Variants in MDGA2 observed in about 807,000 individuals in gnomAD.
MDGA2 encodes the protein MAM domain containing glycosylphosphatidylinositol anchor 2.
A neutral mutation model predicts 117.8 loss-of-function variants in MDGA2; 40 were observed. That is an observed-to-expected ratio of 0.34 (90% CI 0.26 to 0.44). The LOEUF is 0.44. Among genes scored for constraint, MDGA2 ranks in the 20% least tolerant of loss-of-function variants. The pLI is 1.00. For synonymous variants in MDGA2, 452 were observed against 439.0 expected, an observed-to-expected ratio of 1.03 and a Z score of -0.37; for missense variants, 1,123 against 1,250.6, an observed-to-expected ratio of 0.90 and a Z score of 1.54.
chr14:47,290,661 A>C (rs8010593), intron 2 of MDGA2, among the ~76,000 whole-genome samples: 13,856 of 152,146 alleles, frequency 0.091, 785 homozygotes, highest in Non-Finnish European at 0.11. Context: ...GTCAGCAGCA[A>C]AGAAGAAGAT....
intron 1 of MDGA2, among the ~76,000 whole-genome samples, chr14:47,471,114 C>T (rs905986512): frequency 6.6e-6 from 1 of 151,998 alleles, no homozygotes; most frequent in Non-Finnish European, 1.5e-5. Flanking sequence ...GTTGATAGTG[C>T]AAGGAATAAG....
intron 1 of MDGA2, among the ~76,000 whole-genome samples, chr14:47,648,653 A>G (rs926896053): frequency 6.6e-6 from 1 of 152,164 alleles, no homozygotes; most frequent in African/African-American, 2.4e-5. Flanking sequence ...TATGGCAGAC[A>G]GGGGACCAGG....
chr14:47,512,734 C>T (rs1169560427), intron 1 of MDGA2, among the ~76,000 whole-genome samples: 1 of 152,082 alleles, frequency 6.6e-6, no homozygotes, highest in Non-Finnish European at 1.5e-5. Flanking sequence ...TATAGAGCCA[C>T]TCAAAATCCA....
chr14:47,345,557 C>T (rs573008791), intron 1 of MDGA2, among the ~76,000 whole-genome samples: 64 of 152,012 alleles, frequency 4.2e-4, no homozygotes, highest in Middle Eastern at 3.4e-3. Flanking sequence ...CTATCTAGTG[C>T]CTGTACAATT....
intron 1 of MDGA2, among the ~76,000 whole-genome samples, chr14:47,582,641 C>G (rs533759553): frequency 6.6e-6 from 1 of 151,966 alleles, no homozygotes; most frequent in East Asian, 1.9e-4. Context: ...AAATCACATA[C>G]AATCTTTTCC....
chr14:47,410,440 TG>T (rs1294452448), intron 1 of MDGA2, among the ~76,000 whole-genome samples: 1 of 151,822 alleles, frequency 6.6e-6, no homozygotes, highest in Non-Finnish European at 1.5e-5. Context: ...GTTTTCTTTT[TG>T]TTTTTTTGTT....
At chr14:47,213,490 T>G (rs1319758099) in intron 3 of MDGA2, among the ~76,000 whole-genome samples, 4 of 152,206 alleles carry the variant, frequency 2.6e-5, no homozygotes, top group Non-Finnish European at 5.9e-5. Flanking sequence ...CCAACTATGA[T>G]AGGAAATTCT....
chr14:46,860,159 C>T (rs1175704205), intron 14 of MDGA2, among the ~76,000 whole-genome samples: 9 of 152,024 alleles, frequency 5.9e-5, no homozygotes, highest in Non-Finnish European at 1.3e-4. Flanking sequence ...AGCTGGATGA[C>T]TCTGGCTTCA....
intron 1 of MDGA2, among the ~76,000 whole-genome samples, chr14:47,522,550 A>C (rs1004679367): frequency 2.6e-5 from 4 of 152,164 alleles, no homozygotes; most frequent in African/African-American, 9.6e-5. Context: ...AATCCAGAAG[A>C]AGTGAATGAG....
At chr14:47,348,218 AT>A (rs78606952) in intron 1 of MDGA2, among the ~76,000 whole-genome samples, 27,973 of 137,830 alleles carry the variant, frequency 0.2, 2,743 homozygotes, top group South Asian at 0.33. Flanking sequence ...AAATCCTTAA[AT>A]TTTTTTTTTT....
At chr14:47,101,132 GA>G (rs991022222) in intron 5 of MDGA2, among the ~76,000 whole-genome samples, 1 of 138,092 alleles carries the variant, frequency 7.2e-6, no homozygotes, top group Non-Finnish European at 1.6e-5. Context: ...TAGACAGATA[GA>G]TAGAAAGAAA....
chr14:46,960,940 A>ATGTG (rs1885781567), intron 8 of MDGA2, among the ~76,000 whole-genome samples: 1 of 134,912 alleles, frequency 7.4e-6, no homozygotes, highest in African/African-American at 3.0e-5. Flanking sequence ...GTGTATGCGT[A>ATGTG]TATATATATA....
intron 8 of MDGA2, among the ~76,000 whole-genome samples, chr14:46,984,647 C>T (rs1272188622): frequency 6.6e-6 from 1 of 151,890 alleles, no homozygotes; most frequent in East Asian, 1.9e-4. Context: ...ATTTATAGTA[C>T]TACAGTTTGT....
intron 9 of MDGA2, among the ~76,000 whole-genome samples, chr14:46,924,858 C>T (rs1010496415): frequency 2.6e-5 from 4 of 152,052 alleles, no homozygotes; most frequent in African/African-American, 4.8e-5. Flanking sequence ...TCAAAAAACA[C>T]TGCTGAAAAC....
chr14:46,864,543 CTGTTT>C (rs1881649378), intron 14 of MDGA2, among the ~76,000 whole-genome samples: 1 of 17,192 alleles, frequency 5.8e-5, no homozygotes, highest in African/African-American at 1.9e-4. Context: ...GCAGATATTG[CTGTTT>C]TTTTTTTTTT....
Position 47,649,874 on chromosome 14 carries a change from TG to T in MDGA2, c.280+24642del, listed in dbSNP as rs551137885. Among the ~76,000 whole-genome samples the T allele has an allele frequency of 3.3e-3, 509 of 152,150 alleles. 3 individuals are homozygous for T. The highest frequency in any genetic ancestry group is 0.012 in the African/African-American group (485 of 41,504). On this transcript the variant is annotated intron_variant, in intron 1 of 16. Transcript: ENST00000399232. ...TAATCTGAATATTGAAAAACCAGGA[TG>T]AATTAGGCTAAAAAAGTTGGGAGAG...
chr14:47,462,867 T>C (rs1893520263), intron 1 of MDGA2, among the ~76,000 whole-genome samples: 1 of 152,242 alleles, frequency 6.6e-6, no homozygotes, highest in Non-Finnish European at 1.5e-5. Flanking sequence ...TTGAACACGT[T>C]AGCAACATAT....
intron 3 of MDGA2, among the ~76,000 whole-genome samples, chr14:47,216,980 T>A (rs563263213): frequency 1.3e-5 from 2 of 152,132 alleles, no homozygotes; most frequent in African/African-American, 4.8e-5. Flanking sequence ...TTCTCCCCCA[T>A]CCTTTCCAGA....
intron 1 of MDGA2, among the ~76,000 whole-genome samples, chr14:47,671,938 T>C (rs1358350099): frequency 6.6e-6 from 1 of 152,180 alleles, no homozygotes; most frequent in Non-Finnish European, 1.5e-5. Flanking sequence ...ATCAAAGCAA[T>C]GAAACTGTAA....
Sources: allele counts gnomAD v4.1 joint callset (sites outside exome capture counted in the v4.1 genomes callset), GRCh38; gene constraint gnomAD v4.1.1; transcripts MANE v1.5; gene names NCBI Gene and HGNC (gene_info 2026-07-23, HGNC 2026-07-21).